Variants in WDR41 observed in about 807,000 individuals in gnomAD.
WDR41 encodes the protein WD repeat domain 41, also known as WD repeat-containing protein 41.
WDR41 carries 63 observed loss-of-function variants against 69.3 expected under a neutral mutation model. That is an observed-to-expected ratio of 0.91 (90% confidence interval 0.74 to 1.12). WDR41 has a LOEUF of 1.12. Ranked by LOEUF, WDR41 falls within the 50% of genes most tolerant of loss-of-function variation. The pLI, the probability that WDR41 is intolerant of heterozygous loss-of-function variation, is 0.00. For synonymous variants in WDR41, 185 were observed against 192.1 expected (o/e 0.96, Z 0.31); for missense variants, 543 against 534.5 (o/e 1.02, Z -0.16).
At chr5:77,486,204 A>T (rs1016202696) in intron 2 of WDR41, among the ~76,000 whole-genome samples, 4 of 152,228 alleles carry the variant, frequency 2.6e-5, no homozygotes, top group Admixed American at 2.6e-4. Flanking sequence ...TACACTACAG[A>T]ATTAAATTTT....
At chr5:77,616,479 G>A (rs1405540485) in intron 1 of WDR41, among the ~76,000 whole-genome samples, 1 of 152,162 alleles carries the variant, frequency 6.6e-6, no homozygotes, top group Non-Finnish European at 1.5e-5. Context: ...AGGGAACTAA[G>A]GATGCCCTGG....
At chr5:77,470,265 G>C (rs1378610894) in intron 2 of WDR41, among the ~76,000 whole-genome samples, 1 of 152,026 alleles carries the variant, frequency 6.6e-6, no homozygotes, top group Admixed American at 6.6e-5. Flanking sequence ...TCTTAAAAGA[G>C]CTCCTGAAGG....
At chr5:77,538,881 A>G (rs988622593) in intron 1 of WDR41, among the ~76,000 whole-genome samples, 3 of 152,182 alleles carry the variant, frequency 2.0e-5, no homozygotes, top group African/African-American at 7.2e-5. Flanking sequence ...GTCTTTTTCT[A>G]TATTATTTCA....
chr5:77,487,967 T>TA (rs1801598728), intron 2 of WDR41, among the ~76,000 whole-genome samples: 1 of 152,230 alleles, frequency 6.6e-6, no homozygotes, highest in Non-Finnish European at 1.5e-5. Flanking sequence ...ATGGAAGCTT[T>TA]GCATGTGGGA....
At chr5:77,552,649 A>G (rs1475002475) in intron 1 of WDR41, among the ~76,000 whole-genome samples, 1 of 152,234 alleles carries the variant, frequency 6.6e-6, no homozygotes, top group Non-Finnish European at 1.5e-5. Context: ...AAGCCTGGCT[A>G]TATAATTACT....
intron 2 of WDR41, among the ~76,000 whole-genome samples, chr5:77,481,731 A>G (rs163038): frequency 0.63 from 94,266 of 149,374 alleles, 31,272 homozygotes; most frequent in African/African-American, 0.84. Flanking sequence ...GTTGGAGTGA[A>G]CCAAGGTCAC....
In WDR41 at chr5:77,513,550, T is replaced by C. The variant is rs932818048; in HGVS notation, c.43-23978A>G. Among the ~76,000 whole-genome samples, 2 of 152,202 alleles carry C rather than the reference T, an allele frequency of 1.3e-5. 1 individual carries two copies. Among genetic ancestry groups the C allele is most frequent in the Admixed American group, 1.3e-4 (2 of 15,288 alleles). ...TTCCTCATTCATCCATCTGCTTCCT[T>C]CCTCCTTGCATTCAGGGAAAGTATA... On this transcript the variant is annotated intron_variant, in intron 1 of 5. Coordinates refer to the WDR41 transcript ENST00000509971.
intron 1 of WDR41, among the ~76,000 whole-genome samples, chr5:77,548,843 G>A (rs1164808165): frequency 1.3e-5 from 2 of 152,110 alleles, no homozygotes; most frequent in African/African-American, 4.8e-5. Context: ...GTCTATAGCA[G>A]CACAACTCAC....
At chr5:77,562,096 C>T (rs961173564) in intron 1 of WDR41, among the ~76,000 whole-genome samples, 3 of 152,144 alleles carry the variant, frequency 2.0e-5, no homozygotes, top group Non-Finnish European at 2.9e-5. Context: ...ATTGAGATGG[C>T]ATGCAGTTGA....
chr5:77,514,316 A>G (rs974497055), intron 1 of WDR41, among the ~76,000 whole-genome samples: 2 of 152,084 alleles, frequency 1.3e-5, no homozygotes, highest in African/African-American at 4.8e-5. Flanking sequence ...TACAGCGTTC[A>G]TATCTATTTT....
chr5:77,485,577 G>A (rs1385197240), intron 2 of WDR41, among the ~76,000 whole-genome samples: 1 of 152,144 alleles, frequency 6.6e-6, no homozygotes, highest in African/African-American at 2.4e-5. Flanking sequence ...GAGCAACGGA[G>A]AAAACTCTTC....
intron 6 of WDR41, 120 bp from the exon 7 acceptor site, chr5:77,451,473 G>A (rs1799626057): frequency 3.8e-6 from 3 of 792,506 alleles, no homozygotes; most frequent in East Asian, 5.3e-5. Flanking sequence ...CACAGAACTA[G>A]CTCCACACAC....
At chr5:77,578,715 T>C (rs1289965207) in intron 1 of WDR41, among the ~76,000 whole-genome samples, 2 of 151,822 alleles carry the variant, frequency 1.3e-5, no homozygotes, top group African/African-American at 4.8e-5. Context: ...AATACAAAAA[T>C]TAGCCCGGCC....
intron 1 of WDR41, among the ~76,000 whole-genome samples, chr5:77,509,823 T>G (rs1455609257): frequency 6.6e-6 from 1 of 152,226 alleles, no homozygotes; most frequent in Non-Finnish European, 1.5e-5. Context: ...ATACTTTAAA[T>G]GGGTAGATTA....
chr5:77,468,926 GT>G (rs1800428043), intron 2 of WDR41, among the ~76,000 whole-genome samples: 1 of 151,958 alleles, frequency 6.6e-6, no homozygotes, highest in South Asian at 2.1e-4. Context: ...TTTTTCTATG[GT>G]TTTGTTCTCC....
intron 1 of WDR41, among the ~76,000 whole-genome samples, chr5:77,595,818 T>G (rs1744218121): frequency 6.6e-6 from 1 of 152,172 alleles, no homozygotes; most frequent in Non-Finnish European, 1.5e-5. Flanking sequence ...ATCCGTGGCG[T>G]CCTCAAAATT....
chr5:77,518,155 C>T (rs1386602768), intron 1 of WDR41, among the ~76,000 whole-genome samples: 1 of 151,536 alleles, frequency 6.6e-6, no homozygotes, highest in Non-Finnish European at 1.5e-5. Flanking sequence ...ATTTTCACTG[C>T]CATAGATACG....
At chr5:77,601,721 C>T (rs1744326725) in intron 1 of WDR41, among the ~76,000 whole-genome samples, 1 of 152,198 alleles carries the variant, frequency 6.6e-6, no homozygotes, top group African/African-American at 2.4e-5. Flanking sequence ...CCTGGTGCCT[C>T]CCTCAGAGAC....
chr5:77,503,312 A>G (rs1802049558), intron 1 of WDR41, among the ~76,000 whole-genome samples: 1 of 152,192 alleles, frequency 6.6e-6, no homozygotes, highest in Non-Finnish European at 1.5e-5. Context: ...GATCAATTCA[A>G]CAAGAAGAGC....
Sources: allele counts gnomAD v4.1 joint callset (sites outside exome capture counted in the v4.1 genomes callset), GRCh38; gene constraint gnomAD v4.1.1; transcripts MANE v1.5; gene names NCBI Gene and HGNC (gene_info 2026-07-23, HGNC 2026-07-21).